The following FBF1 variants were observed in gnomAD, a reference collection of about 807,000 sequenced individuals.
FBF1 encodes fas-binding factor 1.
In FBF1, 119 loss-of-function variants were observed where a neutral mutation model predicts 147.2. The observed-to-expected ratio is 0.81, with a 90% CI of 0.70 to 0.94. The LOEUF (loss-of-function observed/expected upper bound fraction) is 0.94, where lower values mean the gene tolerates loss of function less well. FBF1 is among the 40% of genes least tolerant of loss of function. FBF1 has a pLI of 0.00. For missense variants in FBF1, 1,449 were observed against 1,500.8 expected, an observed-to-expected ratio of 0.97 and a Z score of 0.57; for synonymous variants, 601 against 609.0, an observed-to-expected ratio of 0.99 and a Z score of 0.19.
At chr17:75,917,268 T>C (rs2065494198) in intron 23 of FBF1, among the ~76,000 whole-genome samples, 1 of 152,222 alleles carries the variant, frequency 6.6e-6, no homozygotes, top group Non-Finnish European at 1.5e-5. Flanking sequence ...CTGGCTAAGG[T>C]CATCATTATT....
chr17:75,931,083 A>G (rs1490898561), intron 6 of FBF1, 146 bp downstream of exon 6: 1 of 771,480 alleles, frequency 1.3e-6, no homozygotes, highest in Non-Finnish European at 2.1e-6. Context: ...CAACAGAGGG[A>G]GACTCCATCT....
chr17:75,937,945 C>T (rs2065634957), intron 2 of FBF1: 1 of 732,880 alleles, frequency 1.4e-6, no homozygotes, highest in Non-Finnish European at 2.3e-6. Context: ...AAAACGCTTC[C>T]AGCTGGACAC....
chr17:75,937,402 C>A (rs1011815392), intron 3 of FBF1, among the ~76,000 whole-genome samples, 164 bp downstream of exon 3: 1 of 152,098 alleles, frequency 6.6e-6, no homozygotes, highest in East Asian at 1.9e-4. Flanking sequence ...GATCTCCTGA[C>A]CTCATGATCC....
In FBF1 at chr17:75,914,802, T is replaced by C; in HGVS notation, c.2759A>G (p.Glu920Gly). The change falls in exon 25 of 30, where the codon GAG becomes GGG. Residue 920 changes from glutamate (E) to glycine (G), a missense_variant. Coordinates refer to ENST00000636174, the MANE Select transcript of FBF1 (RefSeq NM_001319193.2). ...LSKERAEREA[E>G]RALQVDTQRE... ...CTGGGTGTCCACCTGCAATGCCCGC[T>C]CGGCCTCGCGCTCGGCCCGCTCCTT... The C allele has an allele frequency of 6.4e-7, 1 of 1,571,340 alleles. No homozygotes were observed. The highest frequency in any genetic ancestry group is 8.6e-7 in the Non-Finnish European group (1 of 1,161,560).
Position 75,915,129 on chromosome 17 carries a change from C to T in FBF1, c.2516G>A (p.Arg839Gln), listed in dbSNP as rs754215900. 1 of 1,609,796 alleles carries T rather than the reference C, an allele frequency of 6.2e-7. No individual in the cohort carries two copies. Among genetic ancestry groups the T allele is most frequent in the Non-Finnish European group, 8.5e-7 (1 of 1,179,416 alleles). The change falls in exon 24 of 30, where the codon CGG (arginine) becomes CAG (glutamine). Residue 839 changes from arginine (R) to glutamine (Q), a missense_variant. Transcript: ENST00000636174. ...CGCCTTGGACTGCTCGGCAGTCACC[C>T]GCCAGCGTTCCTGTAGGGCCCAGGG... ...QSRLLEQERW[R>Q]VTAEQSKAES...
At position 75,928,258 on chromosome 17, in the gene FBF1, G is replaced by A; in HGVS notation, c.280-65C>T. On this transcript the variant is annotated intron_variant, in intron 7 of 29. Coordinates refer to ENST00000636174, the MANE Select transcript of FBF1 (RefSeq NM_001319193.2). The surrounding 1 kb of genome is among the most constrained non-coding windows in gnomAD (Gnocchi z 4.2). Reference sequence around the variant, plus strand: ...TAAGGGGCTGAGGACTTCCACCTGAGAGAGATGGGCTGTTGGCACCCCAGG... The same window carrying A: ...TAAGGGGCTGAGGACTTCCACCTGAAAGAGATGGGCTGTTGGCACCCCAGG... 7.5e-7 allele frequency: 1 copy of A among 1,341,288 alleles called. No homozygotes were observed. Among genetic ancestry groups the A allele is most frequent in the Non-Finnish European group, 1.1e-6 (1 of 937,882 alleles). 83.1% of individuals were successfully genotyped at this position (1,341,288 alleles called of 1,614,324 possible).
In FBF1 at chr17:75,923,639, C is replaced by G. The variant is rs1471858572; in HGVS notation, c.971G>C (p.Arg324Thr). ...GTCTGCGCCACTGTCTGCGAAGAACCTACTTCAAGACAGAAAGGAGGGTGT... is the reference window on the plus strand; with the variant it reads ...GTCTGCGCCACTGTCTGCGAAGAACGTACTTCAAGACAGAAAGGAGGGTGT... Reference protein sequence around the residue: ...GRQSRRQSVSRFFADSGADPK... With the variant: ...GRQSRRQSVSTFFADSGADPK... The change falls in exon 14 of 30, where the codon AGG (arginine) becomes ACG (threonine). Residue 324 changes from arginine to threonine, a missense_variant and splice_region_variant. Transcript: ENST00000636174. This position sits in a 1 kb window ranked among gnomAD's most constrained non-coding sequence, Gnocchi z 4.1. The G allele has an allele frequency of 2.0e-5, 32 of 1,596,550 alleles. No homozygotes were observed. The highest frequency in any genetic ancestry group is 2.7e-5 in the Non-Finnish European group (32 of 1,171,274).
In FBF1 at chr17:75,913,952, CT is replaced by C; in HGVS notation, c.3089del (p.Gln1030ArgfsTer17). 2 of 1,552,596 alleles carry C rather than the reference CT, an allele frequency of 1.3e-6. No homozygotes were observed. The highest frequency in any genetic ancestry group is 4.8e-5 in the East Asian group (2 of 41,786). On this transcript the variant is annotated frameshift_variant, in exon 27 of 30. Coordinates refer to ENST00000636174, the MANE Select transcript of FBF1 (RefSeq NM_001319193.2). LOFTEE classifies it high-confidence loss of function. ...QQARLQAVQQ[Q>X]QERLRKQEQH... The stretch of plus-strand genomic sequence containing the variant: ...GCTCCTGCTTCCGCAGCCGCTCCTG[CT>C]GTTGCTGCACCGCCTGCAACCGGGC...
rs769007878 is a variant in FBF1 at position 75,938,018 on chromosome 17, C to T, written c.3+129G>A. The T allele has an allele frequency of 4.5e-5, 63 of 1,400,586 alleles. No individual in the cohort carries two copies. The African/African-American group carries it at 7.1e-4, about 16-fold the overall frequency. 86.8% of individuals were successfully genotyped at this position (1,400,586 alleles called of 1,614,324 possible). On this transcript the variant is annotated intron_variant, in intron 2 of 29. Transcript: ENST00000636174. ...GGTATCAATGCCACCTCCTGTCACT[C>T]TTCTCCAGGGTCTCCATCCTGGTCC...
chr17:75,938,076 T>C, intron 2 of FBF1, 71 bp downstream of exon 2: 1 of 1,598,704 alleles, frequency 6.3e-7, no homozygotes, highest in Non-Finnish European at 8.5e-7. Context: ...TTGCATGCAG[T>C]CAAGATCTTT....
Position 75,925,259 on chromosome 17 carries a change from CG to C in FBF1, c.968+87del, listed in dbSNP as rs1410934538. The C allele has an allele frequency of 2.0e-6, 2 of 998,588 alleles. No individual in the cohort carries two copies. Among genetic ancestry groups the C allele is most frequent in the Non-Finnish European group, 2.9e-6 (2 of 678,832 alleles). 61.9% of individuals were successfully genotyped at this position (998,588 alleles called of 1,614,324 possible). ...CCTGTGGCCTCCCACATGAGACTCT[CG>C]GGTGGGACAGGGGACAGCTGCAGGG... is the stretch of plus-strand genomic sequence containing the variant. On this transcript the variant is annotated intron_variant, in intron 13 of 29. Transcript: ENST00000636174. This position sits in a 1 kb window ranked among gnomAD's most constrained non-coding sequence, Gnocchi z 5.0.
Position 75,923,709 on chromosome 17 carries a change from C to A in FBF1, c.969-68G>T, listed in dbSNP as rs914720461. ...GTCCCAGTGGCCCCCTAGCAGCCTG[C>A]AGCTGGGCGTCACGATGCCCAGGGA... On this transcript the variant is annotated intron_variant, in intron 13 of 29. Coordinates refer to ENST00000636174, the MANE Select transcript of FBF1 (RefSeq NM_001319193.2). The surrounding 1 kb of genome is among the most constrained non-coding windows in gnomAD (Gnocchi z 4.1). 2.1e-6 allele frequency: 3 copies of A among 1,431,406 alleles called. No individual in the cohort carries two copies. Among genetic ancestry groups the A allele is most frequent in the African/African-American group, 2.8e-5 (2 of 70,320 alleles). The allele number at this position is 1,431,406 out of a possible 1,614,324, so 88.7% of individuals were successfully genotyped here. A position where few individuals can be genotyped will look rare whatever the true frequency, so the allele number is the denominator to read the frequency against.
intron 25 of FBF1, chr17:75,914,539 G>C: frequency 1.2e-6 from 1 of 822,662 alleles, no homozygotes. Context: ...AAAGTCATGG[G>C]AACATGAGGA....
chr17:75,929,192 C>T (rs891062374), intron 7 of FBF1, among the ~76,000 whole-genome samples: 7 of 151,726 alleles, frequency 4.6e-5, no homozygotes, highest in African/African-American at 1.5e-4. Context: ...GAATCTGGAC[C>T]GGGTGTGGTG....
chr17:75,938,315 C>A lies in FBF1; in HGVS notation c.-83-83G>T, dbSNP rs554596204. ...TGGCTCACGCCTGTTAATCCCAGCA[C>A]TTTCAGAGGCCAAGGCGGGGGGATC... On this transcript the variant is annotated intron_variant, in intron 1 of 29. Coordinates refer to ENST00000636174, the MANE Select transcript of FBF1 (RefSeq NM_001319193.2). 4 of 966,834 alleles carry A rather than the reference C, an allele frequency of 4.1e-6. No homozygotes were observed. The African/African-American group carries it at 4.9e-5, about 12-fold the overall frequency. The allele number at this position is 966,834 out of a possible 1,614,324, so 59.9% of individuals were successfully genotyped here. A position where few individuals can be genotyped will look rare whatever the true frequency, so the allele number is the denominator to read the frequency against.
rs1276805998 is a variant in FBF1, at chr17:75,913,620, C to A, written c.3247+82G>T. On this transcript the variant is annotated intron_variant, in intron 28 of 29. Transcript: ENST00000636174. ...ACCCAGCTGGCCGCCTTAACTGGAGCGGCTGGAGGAGGGCCTGCCCACTCC... is the reference window on the plus strand; with the variant it reads ...ACCCAGCTGGCCGCCTTAACTGGAGAGGCTGGAGGAGGGCCTGCCCACTCC... 4 of 1,108,294 alleles carry A rather than the reference C, an allele frequency of 3.6e-6. No homozygotes were observed. The Admixed American group carries it at 8.9e-5, about 25-fold the overall frequency. 68.7% of individuals were successfully genotyped at this position (1,108,294 alleles called of 1,614,324 possible).
chr17:75,939,080 G>A (rs1232276655), intron 1 of FBF1, among the ~76,000 whole-genome samples: 1 of 151,960 alleles, frequency 6.6e-6, no homozygotes, highest in Non-Finnish European at 1.5e-5. Flanking sequence ...CAGATCATTT[G>A]AGGTCAGGAG....
At chr17:75,936,330 AC>A (rs113553829) in intron 3 of FBF1, among the ~76,000 whole-genome samples, 9,507 of 148,778 alleles carry the variant, frequency 0.064, 890 homozygotes, top group African/African-American at 0.21. Context: ...CAACAAAAAG[AC>A]CCCCCCCAAA....
At position 75,923,694 on chromosome 17, in the gene FBF1, C is replaced by A. The variant is rs2065543470; in HGVS notation, c.969-53G>T. 2 of 1,487,734 alleles carry A rather than the reference C, an allele frequency of 1.3e-6. No homozygotes were observed. Among genetic ancestry groups the A allele is most frequent in the African/African-American group, 1.4e-5 (1 of 72,016 alleles). 92.2% of individuals were successfully genotyped at this position (1,487,734 alleles called of 1,614,324 possible). The stretch of plus-strand genomic sequence containing the variant: ...CAGGGGAAACAGCCAGTCCCAGTGG[C>A]CCCCTAGCAGCCTGCAGCTGGGCGT... On this transcript the variant is annotated intron_variant, in intron 13 of 29. Coordinates refer to ENST00000636174, the MANE Select transcript of FBF1 (RefSeq NM_001319193.2). The surrounding 1 kb of genome is among the most constrained non-coding windows in gnomAD (Gnocchi z 4.1).
Sources: gnomAD v4.1 joint callset for allele counts (sites outside exome capture counted in the v4.1 genomes callset) on GRCh38, gnomAD v4.1.1 for gene constraint, Gnocchi (gnomAD v3.1) non-coding constraint, MANE v1.5 for transcripts, NCBI Gene and HGNC (gene_info 2026-07-23, HGNC 2026-07-21) for gene names.